Variants in ZGRF1 observed in about 807,000 individuals in gnomAD.
ZGRF1 encodes zinc finger GRF-type containing 1.
Under a neutral mutation model 203.5 loss-of-function variants are expected in ZGRF1, and 196 were observed. The observed-to-expected ratio is 0.96, with a 90% confidence interval of 0.86 to 1.08. The LOEUF (loss-of-function observed/expected upper bound fraction) is 1.08, where lower values mean the gene tolerates loss of function less well. Among genes scored for constraint, ZGRF1 ranks in the 50% least tolerant of loss-of-function variants. The probability of loss-of-function intolerance (pLI) is 0.00; values close to 1 mark genes in which losing one functional copy is unlikely to be tolerated. For synonymous variants in ZGRF1, 809 were observed against 841.3 expected (o/e 0.96, Z 0.66); for missense variants, 2,326 against 2,416.3 (o/e 0.96, Z 0.78).
intron 9 of ZGRF1, chr4:112,605,777 T>C: frequency 2.1e-6 from 1 of 472,716 alleles, no homozygotes. Flanking sequence ...TACGGAAGGA[T>C]AATGTAAACA....
At position 112,585,729 on chromosome 4, in the gene ZGRF1, C is replaced by CA. The variant is rs759726940; in HGVS notation, c.3917-5dup. Reference sequence around the variant, plus strand: ...AACAGCAATATATTTAGATGTTCTACAAAAAAAAAAAAAAGAGAGCAGAAA... The same window carrying CA: ...AACAGCAATATATTTAGATGTTCTACAAAAAAAAAAAAAAAGAGAGCAGAAA... On this transcript the variant is annotated splice_region_variant and splice_polypyrimidine_tract_variant and intron_variant, in intron 13 of 27. Transcript: ENST00000505019. 0.13 allele frequency: 141,073 copies of CA among 1,085,786 alleles called. 53 individuals are homozygous for CA. Among genetic ancestry groups the CA allele is most frequent in the Non-Finnish European group, 0.14 (119,199 of 846,118 alleles). 67.3% of individuals were successfully genotyped at this position (1,085,786 alleles called of 1,614,324 possible).
At chr4:112,555,000 T>C (rs1331491754) in intron 20 of ZGRF1, among the ~76,000 whole-genome samples, 1 of 152,224 alleles carries the variant, frequency 6.6e-6, no homozygotes, top group Non-Finnish European at 1.5e-5. Flanking sequence ...TATTCCATCT[T>C]GAAGGCTCAC....
chr4:112,593,774 T>C lies in ZGRF1; in HGVS notation c.2977-3900A>G, dbSNP rs774711334. Reference sequence around the variant, plus strand: ...CCTCCTTTATCACCCATTTTATTATTTATTTATCTATTTATTTTAAGACAG... The same window carrying C: ...CCTCCTTTATCACCCATTTTATTATCTATTTATCTATTTATTTTAAGACAG... On this transcript the variant is annotated intron_variant, in intron 10 of 27. Coordinates refer to ENST00000505019, the MANE Select transcript of ZGRF1 (RefSeq NM_018392.5). 1.4e-3 allele frequency among the ~76,000 whole-genome samples: 208 copies of C among 152,178 alleles called. 2 individuals are homozygous for C. Among genetic ancestry groups the C allele is most frequent in the Non-Finnish European group, 1.4e-3 (95 of 68,018 alleles).
chr4:112,562,334 T>G, intron 18 of ZGRF1, 37 bp downstream of exon 18: 1 of 1,109,158 alleles, frequency 9.0e-7, no homozygotes, highest in East Asian at 2.5e-5. Context: ...ATTACCATTT[T>G]TTAATACCAA....
At chr4:112,624,894 A>G (rs537132701) in intron 3 of ZGRF1, among the ~76,000 whole-genome samples, 1 of 152,348 alleles carries the variant, frequency 6.6e-6, no homozygotes, top group East Asian at 1.9e-4. Context: ...AAAAACTTGC[A>G]CATTAATGCT....
At chr4:112,630,251 C>T (rs148020567) in intron 3 of ZGRF1, among the ~76,000 whole-genome samples, 56 of 152,320 alleles carry the variant, frequency 3.7e-4, no homozygotes, top group Admixed American at 1.9e-3. Flanking sequence ...GGCGCAGTGG[C>T]TCACGCCTGT....
intron 3 of ZGRF1, among the ~76,000 whole-genome samples, chr4:112,631,129 T>A (rs971386718): frequency 3.3e-5 from 5 of 152,206 alleles, no homozygotes; most frequent in African/African-American, 1.2e-4. Flanking sequence ...GCCTAGCATA[T>A]AATAAGCAGT....
Position 112,618,602 on chromosome 4 carries a change from TG to T in ZGRF1, c.1439del (p.Pro480GlnfsTer3). 6.2e-7 allele frequency: 1 copy of T among 1,613,678 alleles called. No individual in the cohort carries two copies. On this transcript the variant is annotated frameshift_variant, in exon 6 of 28. Transcript: ENST00000505019. LOFTEE classifies it high-confidence loss of function. ...KEYEQSESSL[P>X]ELKHLQIESS... ...ATTCAATTTGGAGATGTTTCAGTTC[TG>T]GCAGAGATGACTCTGATTGTTCATA...
intron 6 of ZGRF1, among the ~76,000 whole-genome samples, chr4:112,613,788 T>TA (rs905775309): frequency 9.9e-5 from 15 of 151,906 alleles, no homozygotes; most frequent in African/African-American, 1.7e-4. Flanking sequence ...TTTTTTTTCT[T>TA]AAAAAAAAGT....
rs1423434232 is a variant in ZGRF1, at chr4:112,584,161, T to C, written c.4115A>G (p.Tyr1372Cys). Residue 1372 changes from tyrosine (Y) to cysteine (C), a missense_variant, in exon 15 of 28, where the codon TAT becomes TGT. Physicochemically the swap from Tyr to Cys is radical, Grantham distance 194. Coordinates refer to ENST00000505019, the MANE Select transcript of ZGRF1 (RefSeq NM_018392.5). Reference protein sequence around the residue: ...KEGPNKGRLFYTCDGPKADRC... With the variant: ...KEGPNKGRLFCTCDGPKADRC... ...ATCAGCTTTGGGTCCATCACATGTA[T>C]AAAAGAGACGACCCTAAGGGGAAAG... The C allele has an allele frequency of 4.4e-6, 7 of 1,590,618 alleles. No individual in the cohort carries two copies. Among genetic ancestry groups the C allele is most frequent in the African/African-American group, 1.4e-5 (1 of 73,302 alleles).
intron 10 of ZGRF1, among the ~76,000 whole-genome samples, chr4:112,590,455 T>C (rs144116887): frequency 1.3e-3 from 193 of 152,316 alleles, no homozygotes; most frequent in African/African-American, 4.1e-3. Flanking sequence ...ACAATATATA[T>C]ATTTGTATAA....
At chr4:112,613,161 G>A (rs1300848028) in intron 6 of ZGRF1, among the ~76,000 whole-genome samples, 1 of 152,132 alleles carries the variant, frequency 6.6e-6, no homozygotes, top group African/African-American at 2.4e-5. Flanking sequence ...AGACATGGTG[G>A]TGCACAACTA....
chr4:112,604,730 C>T (rs1750517702), intron 9 of ZGRF1, among the ~76,000 whole-genome samples: 1 of 152,118 alleles, frequency 6.6e-6, no homozygotes, highest in Admixed American at 6.6e-5. Flanking sequence ...TAGACATGTT[C>T]CTTAGACAGG....
chr4:112,618,366 C>T lies in ZGRF1; in HGVS notation c.1676G>A (p.Trp559Ter). The change falls in exon 6 of 28, where the codon TGG becomes TAG. Residue 559 changes from tryptophan to a stop codon, truncating the protein, a stop_gained. Transcript: ENST00000505019. LOFTEE classifies it high-confidence loss of function. ...ATCATTAACCAAAATGTCCTTTACC[C>T]AACTCTCTGAATCCTGGGAAATTTT... ...SNKISQDSES[W>*]VKDILVNDGN... The T allele has an allele frequency of 6.2e-7, 1 of 1,613,830 alleles. No individual in the cohort carries two copies. Among genetic ancestry groups the T allele is most frequent in the Non-Finnish European group, 8.5e-7 (1 of 1,179,870 alleles).
chr4:112,574,343 A>C (rs1278092721), intron 16 of ZGRF1, among the ~76,000 whole-genome samples: 1 of 152,222 alleles, frequency 6.6e-6, no homozygotes, highest in Non-Finnish European at 1.5e-5. Context: ...CTAACCAAAA[A>C]AAGATAAATT....
chr4:112,636,810 C>G (rs1395146580), intron 1 of ZGRF1, 41 bp downstream of exon 1: 1 of 152,156 alleles, frequency 6.6e-6, no homozygotes, highest in Non-Finnish European at 1.5e-5. Flanking sequence ...CCAAATCGCT[C>G]AAGTCATTCC....
intron 6 of ZGRF1, among the ~76,000 whole-genome samples, chr4:112,615,368 C>T (rs1004031291): frequency 6.6e-6 from 1 of 152,062 alleles, no homozygotes; most frequent in African/African-American, 2.4e-5. Flanking sequence ...GCTTAGATTA[C>T]AGGTCCCCAC....
chr4:112,586,897 T>C (rs1747281405), intron 12 of ZGRF1, among the ~76,000 whole-genome samples: 1 of 152,186 alleles, frequency 6.6e-6, no homozygotes, highest in Non-Finnish European at 1.5e-5. Context: ...ATGACTATAA[T>C]AAGGATTATT....
At chr4:112,554,606 T>C in intron 21 of ZGRF1, 99 bp downstream of exon 21, 1 of 657,134 alleles carries the variant, frequency 1.5e-6, no homozygotes, top group South Asian at 1.8e-5. Context: ...AGATAAGCCT[T>C]TCTCCATTCT....
Sources: allele counts gnomAD v4.1 joint callset (sites outside exome capture counted in the v4.1 genomes callset), GRCh38; gene constraint gnomAD v4.1.1; transcripts MANE v1.5; gene names NCBI Gene and HGNC (gene_info 2026-07-23, HGNC 2026-07-21).